The following VPS13B variants were observed in gnomAD, a reference collection of about 807,000 sequenced individuals.
VPS13B encodes vacuolar protein sorting 13 homolog B, also known as intermembrane lipid transfer protein VPS13B.
A neutral mutation model predicts 426.4 loss-of-function variants in VPS13B; 285 were observed. The observed-to-expected ratio is 0.67, with a 90% CI of 0.61 to 0.74. The LOEUF (loss-of-function observed/expected upper bound fraction) is 0.74, where lower values mean the gene tolerates loss of function less well. VPS13B is among the 30% of genes least tolerant of loss of function. The pLI is 0.00. For synonymous variants in VPS13B, 1,676 were observed against 1,676.4 expected, an observed-to-expected ratio of 1.00 and a Z score of 0.01; for missense variants, 4,537 against 4,782.6, an observed-to-expected ratio of 0.95 and a Z score of 1.51.
chr8:99,557,142 A>T (rs776700651), intron 31 of VPS13B, among the ~76,000 whole-genome samples: 1 of 151,800 alleles, frequency 6.6e-6, no homozygotes, highest in Non-Finnish European at 1.5e-5. Flanking sequence ...ATCTTTTTAA[A>T]TTTTTTTTAT....
intron 35 of VPS13B, among the ~76,000 whole-genome samples, chr8:99,668,498 T>A (rs1319835958): frequency 6.6e-6 from 1 of 152,184 alleles, no homozygotes; most frequent in African/African-American, 2.4e-5. Flanking sequence ...AGGGATTATT[T>A]TCTCTAAACA....
chr8:99,691,805 A>C (rs12682326), intron 35 of VPS13B, among the ~76,000 whole-genome samples: 3 of 134,720 alleles, frequency 2.2e-5, no homozygotes, highest in African/African-American at 8.7e-5. Context: ...CCCATCTCAC[A>C]TGCAGAGACA....
At chr8:99,690,475 G>A (rs978790995) in intron 35 of VPS13B, among the ~76,000 whole-genome samples, 2 of 152,060 alleles carry the variant, frequency 1.3e-5, no homozygotes, top group Non-Finnish European at 2.9e-5. Context: ...ACTGTTTTGT[G>A]CTGCAAAAAA....
chr8:99,480,931 G>A (rs547070909), intron 24 of VPS13B, among the ~76,000 whole-genome samples: 2 of 152,072 alleles, frequency 1.3e-5, no homozygotes, highest in East Asian at 1.9e-4. Flanking sequence ...ATGGCACTAC[G>A]TTGTCATACA....
At position 99,835,644 on chromosome 8, in the gene VPS13B, A is replaced by C. The variant is rs776138936; in HGVS notation, c.9848A>C (p.Asp3283Ala). The C allele has an allele frequency of 3.1e-6, 5 of 1,614,008 alleles. No individual in the cohort carries two copies. Among genetic ancestry groups the C allele is most frequent in the Non-Finnish European group, 4.2e-6 (5 of 1,180,024 alleles). ...ISSYPDCKTK[D>A]LLPSLLLRVE... ...AGTTATCCGGACTGCAAGACCAAAG[A>C]CTTACTTCCAAGCCTACTTTTGAGA... The change falls in exon 54 of 62, where the codon GAC (aspartate) becomes GCC (alanine). Residue 3283 changes from aspartate (D) to alanine (A), a missense_variant. This residue lies in a region of VPS13B where 4,311 missense variants were observed against 4,474.3 expected (regional missense o/e 0.96). Transcript: ENST00000357162.
intron 17 of VPS13B, among the ~76,000 whole-genome samples, chr8:99,246,564 G>T (rs1260323574): frequency 6.6e-6 from 1 of 152,154 alleles, no homozygotes; most frequent in African/African-American, 2.4e-5. Context: ...AAAAATGTTT[G>T]CTAACCCATT....
At chr8:99,192,761 T>C (rs1006047872) in intron 16 of VPS13B, 115 bp from the exon 17 acceptor site, 1 of 1,040,840 alleles carries the variant, frequency 9.6e-7, no homozygotes, top group Non-Finnish European at 1.4e-6. Context: ...GTAGTATGTT[T>C]GCATACATAC....
intron 3 of VPS13B, among the ~76,000 whole-genome samples, chr8:99,045,144 G>A (rs1486099823): frequency 3.3e-5 from 5 of 152,144 alleles, no homozygotes; most frequent in Non-Finnish European, 7.4e-5. Context: ...TTTCTATAGT[G>A]GTTGTACTAG....
chr8:99,835,396 T>G, intron 53 of VPS13B, 72 bp downstream of exon 53: 1 of 1,538,864 alleles, frequency 6.5e-7, no homozygotes, highest in Non-Finnish European at 8.9e-7. Context: ...ATTTAGTAGT[T>G]ACCTGTGATC....
intron 16 of VPS13B, among the ~76,000 whole-genome samples, chr8:99,178,023 T>C (rs1394545128): frequency 1.3e-5 from 2 of 151,530 alleles, no homozygotes; most frequent in Non-Finnish European, 2.9e-5. Flanking sequence ...TCTACGTTGT[T>C]AATGTATTTT....
chr8:99,868,494 A>G (rs1817216912), intron 59 of VPS13B, 29 bp downstream of exon 59: 2 of 1,586,670 alleles, frequency 1.3e-6, no homozygotes, highest in Non-Finnish European at 1.7e-6. Flanking sequence ...CATCAGGCCA[A>G]CCCAGACGTT....
chr8:99,124,952 A>G lies in VPS13B; in HGVS notation c.1206+3507A>G, dbSNP rs1209260219. ...AACATGAATGAACCTGGAAATCTCT[A>G]TGCTGAATGAAATAAGCCAGACACA... On this transcript the variant is annotated intron_variant, in intron 8 of 61. Coordinates refer to ENST00000357162, the MANE Select transcript of VPS13B (RefSeq NM_152564.5). Among the ~76,000 whole-genome samples the G allele has an allele frequency of 2.0e-5, 3 of 151,726 alleles. 1 individual carries two copies. The highest frequency in any genetic ancestry group is 1.3e-4 in the Admixed American group (2 of 15,216).
rs560349051 is a variant in VPS13B, at chr8:99,200,200, A to T, written c.2515+7143A>T. ...ATTTTTCCACTTAGCATACTATTTC[A>T]AAGTTTGCCCATATTATAGCATATG... is the stretch of plus-strand genomic sequence containing the variant. On this transcript the variant is annotated intron_variant, in intron 17 of 61. Transcript: ENST00000357162. 5.3e-5 allele frequency among the ~76,000 whole-genome samples: 8 copies of T among 152,274 alleles called. No individual in the cohort carries two copies. The South Asian group carries it at 1.7e-3, about 32-fold the overall frequency.
At chr8:99,164,132 G>T (rs985161699) in intron 15 of VPS13B, among the ~76,000 whole-genome samples, 1 of 152,124 alleles carries the variant, frequency 6.6e-6, no homozygotes, top group South Asian at 2.1e-4. Flanking sequence ...CAGGGGTCCC[G>T]GGTAGAAGTT....
At chr8:99,504,407 A>G (rs1344295984) in intron 27 of VPS13B, among the ~76,000 whole-genome samples, 1 of 152,208 alleles carries the variant, frequency 6.6e-6, no homozygotes, top group Non-Finnish European at 1.5e-5. Context: ...GTAGCCTTAC[A>G]GAATGTATTT....
chr8:99,608,226 G>C (rs1296480480), intron 33 of VPS13B, among the ~76,000 whole-genome samples: 1 of 147,570 alleles, frequency 6.8e-6, no homozygotes, highest in Non-Finnish European at 1.5e-5. Flanking sequence ...GTGGCTCACT[G>C]TAACTTCGAT....
chr8:99,697,347 G>T (rs1016149701), intron 35 of VPS13B: 1 of 581,876 alleles, frequency 1.7e-6, no homozygotes, highest in African/African-American at 1.9e-5. Context: ...AAGGCCAGGG[G>T]CCTAACCTCA....
At chr8:99,586,446 A>G (rs1272733424) in intron 33 of VPS13B, among the ~76,000 whole-genome samples, 1 of 152,176 alleles carries the variant, frequency 6.6e-6, no homozygotes, top group Non-Finnish European at 1.5e-5. Flanking sequence ...AAGATTCAAC[A>G]TAGTAATGTC....
At chr8:99,469,038 AAG>A in intron 24 of VPS13B, among the ~76,000 whole-genome samples, 1 of 152,294 alleles carries the variant, frequency 6.6e-6, no homozygotes, top group Admixed American at 6.5e-5. Context: ...ATATATTGGT[AAG>A]AGTCTTATTA....
Sources: allele counts gnomAD v4.1 joint callset (sites outside exome capture counted in the v4.1 genomes callset), GRCh38; gene constraint gnomAD v4.1.1; regional missense constraint gnomAD v4.1.1; transcripts MANE v1.5; gene names NCBI Gene and HGNC (gene_info 2026-07-23, HGNC 2026-07-21).